BRINP3: variants seen among roughly 807,000 people sequenced by gnomAD.
BRINP3 encodes the protein BMP/retinoic acid inducible neural specific 3.
BRINP3 carries 19 observed loss-of-function variants against 71.0 expected under a neutral mutation model. That is an observed-to-expected ratio of 0.27 (90% CI 0.19 to 0.39). The LOEUF is 0.39. Among genes scored for constraint, BRINP3 ranks in the 10% least tolerant of loss-of-function variants. The pLI is 1.00. For missense variants in BRINP3, 959 were observed against 940.8 expected, an observed-to-expected ratio of 1.02 and a Z score of -0.25; for synonymous variants, 380 against 337.7, an observed-to-expected ratio of 1.13 and a Z score of -1.37.
intron 2 of BRINP3, among the ~76,000 whole-genome samples, chr1:190,332,937 T>A (rs1667060805): frequency 6.6e-6 from 1 of 151,920 alleles, no homozygotes; most frequent in Admixed American, 6.6e-5. Context: ...TATGAACCCA[T>A]ATACCTATTT....
chr1:190,151,919 CACATACTTGG>C (rs1430596103), intron 7 of BRINP3, among the ~76,000 whole-genome samples: 1 of 152,122 alleles, frequency 6.6e-6, no homozygotes, highest in Non-Finnish European at 1.5e-5. Flanking sequence ...GATCTCCAAG[CACATACTTGG>C]ACAATTTAAC....
At chr1:190,195,885 C>T (rs1219531838) in intron 6 of BRINP3, among the ~76,000 whole-genome samples, 1 of 152,024 alleles carries the variant, frequency 6.6e-6, no homozygotes, top group Non-Finnish European at 1.5e-5. Context: ...TTTCTTTCCA[C>T]TCAATTATTC....
At chr1:190,356,432 A>T (rs958482740) in intron 2 of BRINP3, among the ~76,000 whole-genome samples, 2 of 152,008 alleles carry the variant, frequency 1.3e-5, no homozygotes, top group South Asian at 4.1e-4. Flanking sequence ...GGTATTAGAA[A>T]GGTAGATGAA....
chr1:190,316,175 C>G (rs1330765286), intron 2 of BRINP3, among the ~76,000 whole-genome samples: 1 of 151,706 alleles, frequency 6.6e-6, no homozygotes, highest in Admixed American at 6.6e-5. Flanking sequence ...TTCAGAATGA[C>G]AAAAAAAGGT....
At chr1:190,355,830 C>T (rs1321424685) in intron 2 of BRINP3, among the ~76,000 whole-genome samples, 2 of 151,878 alleles carry the variant, frequency 1.3e-5, no homozygotes, top group African/African-American at 4.8e-5. Context: ...ATAGAACTGA[C>T]TTGACTCATT....
chr1:190,278,394 A>G (rs1662777213), intron 3 of BRINP3, among the ~76,000 whole-genome samples: 1 of 151,606 alleles, frequency 6.6e-6, no homozygotes, highest in Admixed American at 6.6e-5. Context: ...ATGGAGAAAT[A>G]CAATTTCATG....
intron 2 of BRINP3, among the ~76,000 whole-genome samples, chr1:190,391,909 T>G (rs1571933225): frequency 1.3e-5 from 2 of 151,886 alleles, no homozygotes; most frequent in Non-Finnish European, 2.9e-5. Context: ...CTAATTAGTT[T>G]GCAAAAGCCA....
chr1:190,106,326 C>T (rs987907915), intron 7 of BRINP3, among the ~76,000 whole-genome samples: 3 of 151,502 alleles, frequency 2.0e-5, no homozygotes, highest in African/African-American at 7.3e-5. Context: ...ATTTTATTAT[C>T]ATAAAGTACC....
intron 2 of BRINP3, among the ~76,000 whole-genome samples, chr1:190,419,156 G>T (rs918631088): frequency 1.3e-5 from 2 of 151,800 alleles, no homozygotes; most frequent in Admixed American, 1.3e-4. Context: ...AATTCTGATT[G>T]CATGCATTCT....
At chr1:190,312,047 A>ATATATG (rs1665565838) in intron 2 of BRINP3, among the ~76,000 whole-genome samples, 1 of 126,490 alleles carries the variant, frequency 7.9e-6, no homozygotes, top group African/African-American at 3.2e-5. Flanking sequence ...ATATATATAT[A>ATATATG]TATATATATA....
chr1:190,467,337 T>G (rs1014979153), intron 1 of BRINP3, among the ~76,000 whole-genome samples: 1 of 151,574 alleles, frequency 6.6e-6, no homozygotes, highest in African/African-American at 2.4e-5. Context: ...GTGCACATAA[T>G]TCATCATACA....
intron 2 of BRINP3, among the ~76,000 whole-genome samples, chr1:190,392,579 T>G (rs1351408499): frequency 4.6e-5 from 7 of 151,700 alleles, no homozygotes; most frequent in Non-Finnish European, 8.9e-5. Flanking sequence ...AAGGTCACTT[T>G]TGATCCTTTC....
chr1:190,354,747 C>T (rs149702586), intron 2 of BRINP3, among the ~76,000 whole-genome samples: 122 of 150,492 alleles, frequency 8.1e-4, no homozygotes, highest in African/African-American at 2.8e-3. Flanking sequence ...CCACTGCCAC[C>T]GTCTCTTAAA....
chr1:190,421,775 C>T (rs1673404011), intron 2 of BRINP3, among the ~76,000 whole-genome samples: 1 of 151,762 alleles, frequency 6.6e-6, no homozygotes, highest in African/African-American at 2.4e-5. Flanking sequence ...AAAAAGTTTA[C>T]TAGCTATAGT....
chr1:190,157,308 T>C (rs745848690), intron 7 of BRINP3, among the ~76,000 whole-genome samples: 8 of 151,974 alleles, frequency 5.3e-5, no homozygotes, highest in Non-Finnish European at 1.5e-5. Flanking sequence ...ATCTTTTTGA[T>C]TGGGAGAAAT....
chr1:190,472,269 A>G (rs556964023), intron 1 of BRINP3, among the ~76,000 whole-genome samples: 2 of 151,758 alleles, frequency 1.3e-5, no homozygotes, highest in South Asian at 2.1e-4. Context: ...CATTAATGCC[A>G]GGTAGAACTA....
intron 4 of BRINP3, among the ~76,000 whole-genome samples, chr1:190,236,082 C>T (rs980822926): frequency 4.0e-5 from 6 of 151,780 alleles, no homozygotes; most frequent in Non-Finnish European, 8.8e-5. Context: ...GACATTAAGG[C>T]CATCATGGAG....
chr1:190,456,592 C>T (rs547718618), intron 1 of BRINP3, among the ~76,000 whole-genome samples: 1 of 151,770 alleles, frequency 6.6e-6, no homozygotes, highest in South Asian at 2.1e-4. Context: ...CTTATGAGAA[C>T]TATACAATTT....
At chr1:190,329,989 G>T (rs570023861) in intron 2 of BRINP3, among the ~76,000 whole-genome samples, 2 of 151,740 alleles carry the variant, frequency 1.3e-5, no homozygotes, top group African/African-American at 4.8e-5. Context: ...AAGCCTCAAC[G>T]TGGATTAAAA....
Sources: gnomAD v4.1 joint callset for allele counts (sites outside exome capture counted in the v4.1 genomes callset) on GRCh38, gnomAD v4.1.1 for gene constraint, MANE v1.5 for transcripts, NCBI Gene and HGNC (gene_info 2026-07-23, HGNC 2026-07-21) for gene names.